Variants in PAX5 observed in about 807,000 individuals in gnomAD.
PAX5 encodes paired box protein Pax-5.
A neutral mutation model predicts 43.7 loss-of-function variants in PAX5; 9 were observed. The ratio of observed to expected loss-of-function variants is 0.21; its 90% CI spans 0.12 to 0.36. The LOEUF (loss-of-function observed/expected upper bound fraction) is 0.36, where lower values mean the gene tolerates loss of function less well. Ranked by LOEUF, PAX5 falls within the 10% of genes least tolerant of loss-of-function variation. The pLI is 1.00. For synonymous variants in PAX5, 228 were observed against 214.3 expected, an observed-to-expected ratio of 1.06 and a Z score of -0.56; for missense variants, 383 against 532.7, an observed-to-expected ratio of 0.72 and a Z score of 2.77.
intron 6 of PAX5, among the ~76,000 whole-genome samples, chr9:36,956,817 A>G (rs1833521624): frequency 6.6e-6 from 1 of 152,214 alleles, no homozygotes; most frequent in Non-Finnish European, 1.5e-5. Context: ...TAGAATAAAT[A>G]GAATAAGGGA....
intron 6 of PAX5, among the ~76,000 whole-genome samples, chr9:36,962,953 G>A (rs1033524166): frequency 6.6e-6 from 1 of 152,256 alleles, no homozygotes; most frequent in Admixed American, 6.5e-5. Context: ...CTCTTGGAGA[G>A]CTAGCATGAG....
intron 5 of PAX5, among the ~76,000 whole-genome samples, chr9:36,980,397 G>C (rs371447139): frequency 6.6e-6 from 1 of 152,184 alleles, no homozygotes; most frequent in East Asian, 1.9e-4. Context: ...AGCCATTGCC[G>C]AAGCCAGAGA....
At chr9:37,009,627 G>A (rs939441149) in intron 3 of PAX5, among the ~76,000 whole-genome samples, 3 of 152,038 alleles carry the variant, frequency 2.0e-5, no homozygotes, top group Non-Finnish European at 4.4e-5. Flanking sequence ...AGCACAATGA[G>A]GATACTATAG....
intron 1 of PAX5, 78 bp from the exon 2 acceptor site, chr9:37,020,879 C>G: frequency 6.8e-7 from 1 of 1,478,320 alleles, no homozygotes; most frequent in South Asian, 1.2e-5. Flanking sequence ...GCTGTGAGGA[C>G]CCAGAGCCCC....
At chr9:36,997,265 C>A (rs754939376) in intron 5 of PAX5, among the ~76,000 whole-genome samples, 2 of 152,174 alleles carry the variant, frequency 1.3e-5, no homozygotes, top group Admixed American at 1.3e-4. Flanking sequence ...TCACTTGCAA[C>A]GTACCCCTAC....
intron 9 of PAX5, among the ~76,000 whole-genome samples, chr9:36,844,477 C>T (rs146819740): frequency 1.5e-4 from 23 of 152,128 alleles, no homozygotes; most frequent in Non-Finnish European, 3.1e-4. Flanking sequence ...TCAGATAGCC[C>T]ATGTAAAAAG....
intron 5 of PAX5, among the ~76,000 whole-genome samples, chr9:36,977,968 G>A (rs543498240): frequency 3.3e-5 from 5 of 152,356 alleles, no homozygotes; most frequent in Non-Finnish European, 5.9e-5. Context: ...GGGAAAGGGA[G>A]TGAAGTGTGA....
chr9:37,018,429 C>A (rs1025395113), intron 2 of PAX5, among the ~76,000 whole-genome samples: 2 of 152,048 alleles, frequency 1.3e-5, no homozygotes, highest in Admixed American at 1.3e-4. Context: ...AGACCGCCCA[C>A]CTTCCTGAGA....
In PAX5 at chr9:36,892,472, A is replaced by G. The variant is rs115313852; in HGVS notation, c.911-10367T>C. Among the ~76,000 whole-genome samples the G allele has an allele frequency of 4.3e-3, 649 of 152,324 alleles. 6 individuals are homozygous for G. The highest frequency in any genetic ancestry group is 0.015 in the African/African-American group (624 of 41,570). ...TTAAGTACCGCAGCCACTCCAGGAG[A>G]TATCATCAAGCTTTACAATCCCCAG... On this transcript the variant is annotated intron_variant, in intron 7 of 9. Coordinates refer to ENST00000358127, the MANE Select transcript of PAX5 (RefSeq NM_016734.3).
Position 36,923,466 on chromosome 9 carries a change from T to C in PAX5, c.799A>G (p.Met267Val). The C allele has an allele frequency of 2.5e-6, 4 of 1,611,306 alleles. No homozygotes were observed. The highest frequency in any genetic ancestry group is 2.2e-5 in the South Asian group (2 of 91,036). ...TCCAGCCCACCAGCCAGCGAGGCCA[T>C]GGCTGAATACTCTGTGGTCTGAAAG... is the stretch of plus-strand genomic sequence containing the variant. Reference protein sequence around the residue: ...KPEQTTEYSAMASLAGGLDDM... With the variant: ...KPEQTTEYSAVASLAGGLDDM... The change falls in exon 7 of 10, where the codon ATG becomes GTG. Residue 267 changes from methionine (M) to valine (V), a missense_variant. By Grantham distance (21) the Met-to-Val change is conservative (BLOSUM62 1). Transcript: ENST00000358127.
Position 36,846,889 on chromosome 9 carries a change from A to G in PAX5, c.1053T>C (p.Tyr351=). 6.2e-7 allele frequency: 1 copy of G among 1,614,084 alleles called. No individual in the cohort carries two copies. Among genetic ancestry groups the G allele is most frequent in the Non-Finnish European group, 8.5e-7 (1 of 1,179,920 alleles). The change falls in exon 9 of 10, where the codon TAT becomes TAC. Residue 351 remains tyrosine, a synonymous_variant. Transcript: ENST00000358127. The part of the protein sequence containing the change: ...FSGSPYSHPQ[Y]SSYNDSWRFP... ...ACCTCCAGGAGTCGTTGTACGAGGAATACTGAGGGTGGCTGTAGGGACTCC... is the reference window on the plus strand; with the variant it reads ...ACCTCCAGGAGTCGTTGTACGAGGAGTACTGAGGGTGGCTGTAGGGACTCC...
chr9:36,919,887 G>A (rs1032675617), intron 7 of PAX5, among the ~76,000 whole-genome samples: 28 of 147,300 alleles, frequency 1.9e-4, no homozygotes, highest in Middle Eastern at 3.5e-3. Flanking sequence ...TGATTCATGG[G>A]AAAAGGTAAA....
At chr9:36,989,733 C>T (rs1201443077) in intron 5 of PAX5, among the ~76,000 whole-genome samples, 1 of 152,176 alleles carries the variant, frequency 6.6e-6, no homozygotes. Context: ...TCAGGCAGGA[C>T]TTGGGGAACG....
At chr9:36,908,965 A>G (rs753244069) in intron 7 of PAX5, among the ~76,000 whole-genome samples, 10 of 152,230 alleles carry the variant, frequency 6.6e-5, no homozygotes, top group Non-Finnish European at 1.3e-4. Flanking sequence ...ATTTCTTGGG[A>G]ACATTGTGCT....
Position 36,840,474 on chromosome 9 carries a change from G to T in PAX5, c.*86C>A. On this transcript the variant is annotated 3_prime_UTR_variant, in exon 10 of 10. Coordinates refer to ENST00000358127, the MANE Select transcript of PAX5 (RefSeq NM_016734.3). ...GGGGATGCTGGGGGACGGTCTCATG[G>T]GCTCTCTGGCTATCTTCAGGAGGGC... The T allele has an allele frequency of 7.6e-7, 1 of 1,313,882 alleles. No individual in the cohort carries two copies. The highest frequency in any genetic ancestry group is 1.1e-6 in the Non-Finnish European group (1 of 937,252). 81.4% of individuals were successfully genotyped at this position (1,313,882 alleles called of 1,614,324 possible).
At chr9:36,999,122 G>C (rs1459345260) in intron 5 of PAX5, among the ~76,000 whole-genome samples, 1 of 152,118 alleles carries the variant, frequency 6.6e-6, no homozygotes, top group Non-Finnish European at 1.5e-5. Context: ...AATGCTTCTA[G>C]ACTAAATGTT....
intron 8 of PAX5, among the ~76,000 whole-genome samples, chr9:36,865,314 T>C (rs542385519): frequency 4.5e-4 from 69 of 152,288 alleles, no homozygotes; most frequent in African/African-American, 1.6e-3. Flanking sequence ...CCCCCAGTAG[T>C]CTCTGCCTAG....
At chr9:36,910,847 A>T (rs1829217927) in intron 7 of PAX5, among the ~76,000 whole-genome samples, 1 of 152,214 alleles carries the variant, frequency 6.6e-6, no homozygotes, top group Admixed American at 6.5e-5. Flanking sequence ...TAACTCCAAG[A>T]GCCCTCGAAG....
At chr9:36,921,003 G>T (rs1479879086) in intron 7 of PAX5, among the ~76,000 whole-genome samples, 1 of 151,944 alleles carries the variant, frequency 6.6e-6, no homozygotes. Flanking sequence ...AGTAGAGATG[G>T]GGTTTCACCA....
Sources: gnomAD v4.1 joint callset for allele counts (sites outside exome capture counted in the v4.1 genomes callset) on GRCh38, gnomAD v4.1.1 for gene constraint, MANE v1.5 for transcripts, NCBI Gene and HGNC (gene_info 2026-07-23, HGNC 2026-07-21) for gene names.